Variants in CTNNA3 observed in about 807,000 individuals in gnomAD.
The protein encoded by CTNNA3 is catenin alpha-3.
CTNNA3 carries 76 observed loss-of-function variants against 95.7 expected under a neutral mutation model. The observed-to-expected ratio is 0.79, with a 90% CI of 0.66 to 0.96. CTNNA3 has a LOEUF of 0.96. Ranked by LOEUF, CTNNA3 falls within the 40% of genes least tolerant of loss-of-function variation. CTNNA3 has a pLI of 0.00. For missense variants in CTNNA3, 1,191 were observed against 1,089.8 expected (o/e 1.09, Z -1.31); for synonymous variants, 431 against 374.4 (o/e 1.15, Z -1.74).
chr10:67,604,329 G>C (rs926202311), intron 3 of CTNNA3, among the ~76,000 whole-genome samples: 1 of 152,214 alleles, frequency 6.6e-6, no homozygotes, highest in South Asian at 2.1e-4. Context: ...TGCATCACAG[G>C]AAAGAGGTGC....
intron 13 of CTNNA3, among the ~76,000 whole-genome samples, chr10:66,131,110 C>T (rs199955565): frequency 8.7e-5 from 13 of 149,742 alleles, no homozygotes; most frequent in Non-Finnish European, 1.5e-4. Context: ...CTGGACCAGA[C>T]GGATTCATAG....
At position 66,701,304 on chromosome 10, in the gene CTNNA3, A is replaced by G. The variant is rs550911855; in HGVS notation, c.1281+64960T>C. 9.2e-5 allele frequency among the ~76,000 whole-genome samples: 14 copies of G among 152,236 alleles called. 1 individual carries two copies. In the East Asian group the frequency reaches 2.1e-3, roughly 23 times the overall value. ...TGAAATCAGGCAGTCTTAGTCCCCA[A>G]ATTTTGCCTTTTATCAAAGTTGTTT... On this transcript the variant is annotated intron_variant, in intron 9 of 17. Coordinates refer to ENST00000433211, the MANE Select transcript of CTNNA3 (RefSeq NM_013266.4).
intron 1 of CTNNA3, among the ~76,000 whole-genome samples, chr10:67,708,192 G>T (rs116598111): frequency 6.6e-6 from 1 of 151,962 alleles, no homozygotes; most frequent in Non-Finnish European, 1.5e-5. Context: ...ACCATGCTTC[G>T]GTTTTGACAG....
intron 1 of CTNNA3, among the ~76,000 whole-genome samples, chr10:67,670,960 T>C (rs943739608): frequency 6.6e-6 from 1 of 152,170 alleles, no homozygotes; most frequent in African/African-American, 2.4e-5. Context: ...TCTGTTTCAT[T>C]GTGTGGTTTT....
At position 65,977,653 on chromosome 10, in the gene CTNNA3, G is replaced by A. The variant is rs531490971; in HGVS notation, c.2266-10907C>T. Among the ~76,000 whole-genome samples the A allele has an allele frequency of 4.6e-5, 7 of 151,998 alleles. No homozygotes were observed. In the South Asian group the frequency reaches 8.3e-4, roughly 18 times the overall value. The stretch of plus-strand genomic sequence containing the variant: ...AAATATTAGCCGGGCATGGTGACTC[G>A]TACCTATAGTCCCAGCTACTTGGGT... On this transcript the variant is annotated intron_variant, in intron 16 of 17. Coordinates refer to ENST00000433211, the MANE Select transcript of CTNNA3 (RefSeq NM_013266.4).
At chr10:67,407,044 G>A (rs1002861025) in intron 5 of CTNNA3, among the ~76,000 whole-genome samples, 1 of 152,108 alleles carries the variant, frequency 6.6e-6, no homozygotes, top group Admixed American at 6.5e-5. Context: ...TTGAAAAGCA[G>A]GGACTCCCCC....
At chr10:66,359,200 G>C (rs1047478132) in intron 12 of CTNNA3, among the ~76,000 whole-genome samples, 4 of 152,182 alleles carry the variant, frequency 2.6e-5, no homozygotes, top group African/African-American at 7.2e-5. Flanking sequence ...TGAGAAGCTG[G>C]AGACAGTTTT....
chr10:66,850,615 T>C (rs1843451875), intron 7 of CTNNA3, among the ~76,000 whole-genome samples: 1 of 152,164 alleles, frequency 6.6e-6, no homozygotes. Context: ...GATCAGTTTC[T>C]TAATACCATT....
chr10:67,566,229 C>A, intron 3 of CTNNA3, among the ~76,000 whole-genome samples: 2 of 141,914 alleles, frequency 1.4e-5, no homozygotes, highest in African/African-American at 2.6e-5. Flanking sequence ...TCAGAGTGAA[C>A]AGGCAACCTA....
intron 7 of CTNNA3, among the ~76,000 whole-genome samples, chr10:67,134,182 T>C (rs1564914348): frequency 6.6e-6 from 1 of 152,084 alleles, no homozygotes; most frequent in Non-Finnish European, 1.5e-5. Flanking sequence ...CAAAGATTAC[T>C]TGAAGTAAGT....
At chr10:67,566,072 T>TATATATATATATATATATATAC (rs1265158791) in intron 3 of CTNNA3, among the ~76,000 whole-genome samples, 12 of 102,150 alleles carry the variant, frequency 1.2e-4, no homozygotes, top group Non-Finnish European at 1.2e-4. Context: ...TATATATATA[T>TATATATATATATATATATATAC]ACAAAACCTA....
At chr10:66,123,610 C>T (rs1256876091) in intron 13 of CTNNA3, among the ~76,000 whole-genome samples, 1 of 152,196 alleles carries the variant, frequency 6.6e-6, no homozygotes, top group Non-Finnish European at 1.5e-5. Flanking sequence ...CTGCACTGTC[C>T]TAGCAGAGGT....
intron 13 of CTNNA3, among the ~76,000 whole-genome samples, chr10:66,156,374 C>T (rs2084510471): frequency 6.6e-6 from 1 of 151,864 alleles, no homozygotes; most frequent in Admixed American, 6.6e-5. Flanking sequence ...CAAATACCGC[C>T]ATCAGGAAAA....
chr10:66,073,876 T>C (rs908449213), intron 14 of CTNNA3, among the ~76,000 whole-genome samples: 3 of 152,040 alleles, frequency 2.0e-5, no homozygotes, highest in African/African-American at 4.8e-5. Context: ...AGAAAATTCA[T>C]ATAAAATGCC....
At chr10:67,291,715 A>G (rs1839843880) in intron 5 of CTNNA3, among the ~76,000 whole-genome samples, 1 of 152,188 alleles carries the variant, frequency 6.6e-6, no homozygotes, top group Non-Finnish European at 1.5e-5. Flanking sequence ...ACAAAAAGAA[A>G]GCTTTGCATA....
intron 10 of CTNNA3, among the ~76,000 whole-genome samples, chr10:66,604,788 CA>C (rs56886409): frequency 3.1e-3 from 416 of 135,866 alleles, no homozygotes; most frequent in African/African-American, 6.0e-3. Context: ...AGGATAAAAG[CA>C]AAAAAAAAAA....
In CTNNA3 at chr10:65,914,904, T is replaced by C. The variant is rs369422699; in HGVS notation, c.*5426A>G. The C allele has an allele frequency of 6.6e-6, 1 of 152,192 alleles. No homozygotes were observed. The highest frequency in any genetic ancestry group is 1.5e-5 in the Non-Finnish European group (1 of 68,028). 9.4% of individuals were successfully genotyped at this position (152,192 alleles called of 1,614,324 possible). On this transcript the variant is annotated 3_prime_UTR_variant, in exon 18 of 18. Transcript: ENST00000433211. ...TTGAATGATGTAAAATATATATTAA[T>C]ATTTTAAAGCCAGTGAGACTTTGAG...
At chr10:67,729,916 A>G (rs995235598) in intron 1 of CTNNA3, among the ~76,000 whole-genome samples, 1 of 152,152 alleles carries the variant, frequency 6.6e-6, no homozygotes, top group Non-Finnish European at 1.5e-5. Context: ...TGGCAAGAAA[A>G]CTTTCACAAC....
chr10:67,400,308 G>C (rs893375478), intron 5 of CTNNA3, among the ~76,000 whole-genome samples: 4 of 152,108 alleles, frequency 2.6e-5, no homozygotes, highest in Non-Finnish European at 5.9e-5. Context: ...CTGTGACAAA[G>C]TATAACAAAT....
Sources: allele counts gnomAD v4.1 joint callset (sites outside exome capture counted in the v4.1 genomes callset), GRCh38; gene constraint gnomAD v4.1.1; transcripts MANE v1.5; gene names NCBI Gene and HGNC (gene_info 2026-07-23, HGNC 2026-07-21).